Variants in SLIT3 observed in about 807,000 individuals in gnomAD.
SLIT3 encodes slit homolog 3 protein.
In SLIT3, 68 loss-of-function variants were observed where a neutral mutation model predicts 184.0. That is an observed-to-expected ratio of 0.37 (90% CI 0.30 to 0.45). SLIT3 has a LOEUF of 0.45. Ranked by LOEUF, SLIT3 falls within the 20% of genes least tolerant of loss-of-function variation. The pLI, the probability that SLIT3 is intolerant of heterozygous loss-of-function variation, is 1.00. For missense variants in SLIT3, 1,707 were observed against 2,026.0 expected, an observed-to-expected ratio of 0.84 and a Z score of 3.02; for synonymous variants, 831 against 828.6, an observed-to-expected ratio of 1.00 and a Z score of -0.05.
At chr5:168,947,301 C>A (rs556173273) in intron 4 of SLIT3, among the ~76,000 whole-genome samples, 50 of 152,326 alleles carry the variant, frequency 3.3e-4, no homozygotes, top group Admixed American at 1.9e-3. Context: ...TGCCCATCAC[C>A]TTTCCCTGGC....
chr5:169,251,496 G>T (rs766321165), intron 1 of SLIT3, 37 bp from the exon 2 acceptor site: 16 of 1,419,726 alleles, frequency 1.1e-5, no homozygotes, highest in Middle Eastern at 1.8e-4. Flanking sequence ...GATTTTTGTG[G>T]GTTACAATTA....
intron 4 of SLIT3, among the ~76,000 whole-genome samples, chr5:169,052,408 T>C (rs1757849086): frequency 6.6e-6 from 1 of 152,188 alleles, no homozygotes. Context: ...AGTTAGGAGA[T>C]ATTTGTGGCA....
At chr5:169,083,329 G>T (rs1759147195) in intron 4 of SLIT3, among the ~76,000 whole-genome samples, 1 of 152,156 alleles carries the variant, frequency 6.6e-6, no homozygotes, top group Admixed American at 6.5e-5. Flanking sequence ...GGTTAACTGA[G>T]ACCTTAAAGC....
chr5:169,073,126 C>G (rs1302470418), intron 4 of SLIT3, among the ~76,000 whole-genome samples: 1 of 152,196 alleles, frequency 6.6e-6, no homozygotes, highest in East Asian at 1.9e-4. Context: ...TTTGAAGGCT[C>G]CTTTTCATAC....
At chr5:168,769,482 T>G (rs1755466539) in intron 14 of SLIT3, among the ~76,000 whole-genome samples, 1 of 152,210 alleles carries the variant, frequency 6.6e-6, no homozygotes, top group Admixed American at 6.5e-5. Flanking sequence ...GTCTGCCATG[T>G]TGGACCAGTT....
intron 27 of SLIT3, 32 bp downstream of exon 27, chr5:168,700,550 T>C (rs1468215850): frequency 6.8e-7 from 1 of 1,473,844 alleles, no homozygotes; most frequent in South Asian, 1.1e-5. Flanking sequence ...AGCAAACTAA[T>C]ACAGTGAGGG....
At chr5:168,965,735 C>T (rs1375023694) in intron 4 of SLIT3, among the ~76,000 whole-genome samples, 3 of 152,186 alleles carry the variant, frequency 2.0e-5, no homozygotes, top group Non-Finnish European at 4.4e-5. Flanking sequence ...ACTGTCTCTC[C>T]GAGGGCAAAC....
chr5:169,011,030 T>C (rs1756123125), intron 4 of SLIT3, among the ~76,000 whole-genome samples: 1 of 152,176 alleles, frequency 6.6e-6, no homozygotes, highest in Non-Finnish European at 1.5e-5. Context: ...GGTCTAATTA[T>C]TTCCAGAAAG....
chr5:168,724,773 T>C (rs1308929358), intron 20 of SLIT3, among the ~76,000 whole-genome samples: 2 of 152,198 alleles, frequency 1.3e-5, no homozygotes, highest in Admixed American at 1.3e-4. Flanking sequence ...AGCTGATACA[T>C]AGTAGGTATT....
At chr5:168,713,992 C>T (rs1322294473) in intron 23 of SLIT3, among the ~76,000 whole-genome samples, 1 of 152,206 alleles carries the variant, frequency 6.6e-6, no homozygotes, top group Non-Finnish European at 1.5e-5. Flanking sequence ...TAGTTACCCT[C>T]CATTGATATC....
At position 169,270,148 on chromosome 5, in the gene SLIT3, C is replaced by T. The variant is rs527959978; in HGVS notation, c.198-18689G>A. ...CATCCCTTGCTCAGAAAAATTTTTA[C>T]TCTTTCCTCAAAAAGCAGCAGTGTC... On this transcript the variant is annotated intron_variant, in intron 1 of 35. Coordinates refer to ENST00000519560, the MANE Select transcript of SLIT3 (RefSeq NM_003062.4). 1.2e-4 allele frequency among the ~76,000 whole-genome samples: 18 copies of T among 152,314 alleles called. No individual in the cohort carries two copies. In the East Asian group the frequency reaches 3.5e-3, roughly 29 times the overall value.
At chr5:168,675,753 G>A (rs554792275) in intron 32 of SLIT3, among the ~76,000 whole-genome samples, 62 of 152,280 alleles carry the variant, frequency 4.1e-4, no homozygotes, top group African/African-American at 1.4e-3. Flanking sequence ...GGGAAAATGT[G>A]AGCAGTTATT....
intron 4 of SLIT3, among the ~76,000 whole-genome samples, chr5:169,020,672 A>C (rs1217466011): frequency 1.3e-5 from 2 of 152,212 alleles, no homozygotes; most frequent in African/African-American, 2.4e-5. Flanking sequence ...ACTTAGAGTT[A>C]AGGAATGAAA....
chr5:168,832,564 C>T (rs2113689551), intron 6 of SLIT3, among the ~76,000 whole-genome samples: 1 of 152,310 alleles, frequency 6.6e-6, no homozygotes, highest in South Asian at 2.1e-4. Context: ...GCCTTCTGGG[C>T]TAATCCAGGA....
chr5:168,677,510 G>A (rs928458200), intron 32 of SLIT3, among the ~76,000 whole-genome samples: 3 of 152,136 alleles, frequency 2.0e-5, no homozygotes, highest in Non-Finnish European at 2.9e-5. Context: ...ATACATTGGC[G>A]TGATCTCAGC....
chr5:168,975,124 T>C (rs1302945902), intron 4 of SLIT3, among the ~76,000 whole-genome samples: 2 of 152,176 alleles, frequency 1.3e-5, no homozygotes, highest in Admixed American at 1.3e-4. Context: ...AGGGACTTCC[T>C]GGACATGGTG....
chr5:168,963,855 C>A (rs905673446), intron 4 of SLIT3, among the ~76,000 whole-genome samples: 4 of 152,148 alleles, frequency 2.6e-5, no homozygotes, highest in Non-Finnish European at 4.4e-5. Context: ...TAAGTAAAAA[C>A]CAGGAAAATA....
intron 12 of SLIT3, among the ~76,000 whole-genome samples, chr5:168,783,390 G>T (rs990057147): frequency 6.6e-6 from 1 of 151,652 alleles, no homozygotes; most frequent in Non-Finnish European, 1.5e-5. Flanking sequence ...GACTGGGCAA[G>T]TTTGATAGGA....
chr5:169,172,661 A>T (rs1485313930), intron 4 of SLIT3, among the ~76,000 whole-genome samples: 3 of 152,228 alleles, frequency 2.0e-5, no homozygotes, highest in Non-Finnish European at 4.4e-5. Context: ...CCTCCGCCTC[A>T]AATACCTCTG....
Sources: allele counts gnomAD v4.1 joint callset (sites outside exome capture counted in the v4.1 genomes callset), GRCh38; gene constraint gnomAD v4.1.1; transcripts MANE v1.5; gene names NCBI Gene and HGNC (gene_info 2026-07-23, HGNC 2026-07-21).